Variants in BCL6B observed in about 807,000 individuals in gnomAD.
BCL6B encodes the protein BCL6B transcription repressor.
Under a neutral mutation model 44.6 loss-of-function variants are expected in BCL6B, and 28 were observed. The observed-to-expected ratio is 0.63, with a 90% CI of 0.47 to 0.86. The LOEUF (loss-of-function observed/expected upper bound fraction) is 0.86, where lower values mean the gene tolerates loss of function less well. Ranked by LOEUF, BCL6B falls within the 40% of genes least tolerant of loss-of-function variation. BCL6B has a pLI of 0.00. For missense variants in BCL6B, 626 were observed against 652.3 expected, an observed-to-expected ratio of 0.96 and a Z score of 0.44; for synonymous variants, 268 against 263.6, an observed-to-expected ratio of 1.02 and a Z score of -0.16.
At position 7,023,712 on chromosome 17, in the gene BCL6B, T is replaced by C. The variant is rs1362128898; in HGVS notation, c.41T>C (p.Val14Ala). 1.2e-6 allele frequency: 2 copies of C among 1,612,990 alleles called. No individual in the cohort carries two copies. Among genetic ancestry groups the C allele is most frequent in the Non-Finnish European group, 1.7e-6 (2 of 1,180,022 alleles). Reference sequence around the variant, plus strand: ...GCCCCGGAGGGAGCGCTGGGCTACGTCCGCGAGTTCACTCGCCACTCCTCC... The same window carrying C: ...GCCCCGGAGGGAGCGCTGGGCTACGCCCGCGAGTTCACTCGCCACTCCTCC... ...PAAPEGALGY[V>A]REFTRHSSDV... The change falls in exon 2 of 9, where the codon GTC becomes GCC. Residue 14 changes from valine (V) to alanine (A), a missense_variant. Transcript: ENST00000293805.
In BCL6B at chr17:7,025,098, G is replaced by C; in HGVS notation, c.787G>C (p.Val263Leu). 1 of 1,613,860 alleles carries C rather than the reference G, an allele frequency of 6.2e-7. No homozygotes were observed. Among genetic ancestry groups the C allele is most frequent in the Non-Finnish European group, 8.5e-7 (1 of 1,179,982 alleles). ...TAGGCTCTCTCCAACTGCTGCCACT[G>C]TGCAGTTCAAATGTGGGGCTCCAGC... Reference protein sequence around the residue: ...QSRLSPTAATVQFKCGAPAST... With the variant: ...QSRLSPTAATLQFKCGAPAST... Residue 263 changes from valine to leucine, a missense_variant, in exon 5 of 9, where the codon GTG becomes CTG. Val to Leu is a conservative substitution (Grantham distance 32, BLOSUM62 1). Transcript: ENST00000293805.
chr17:7,026,034 G>A (rs1254393351), intron 5 of BCL6B, among the ~76,000 whole-genome samples: 5 of 152,060 alleles, frequency 3.3e-5, no homozygotes. Flanking sequence ...CGATTCTCCT[G>A]CCTCAGCTTC....
chr17:7,025,100 G>A lies in BCL6B; in HGVS notation c.789G>A (p.Val263=), dbSNP rs1910246249. ...QSRLSPTAAT[V]QFKCGAPAST... is the part of the protein sequence containing the mutation. ...GGCTCTCTCCAACTGCTGCCACTGTGCAGTTCAAATGTGGGGCTCCAGCCA... is the reference window on the plus strand; with the variant it reads ...GGCTCTCTCCAACTGCTGCCACTGTACAGTTCAAATGTGGGGCTCCAGCCA... The change falls in exon 5 of 9, where the codon GTG becomes GTA. Residue 263 remains valine, a synonymous_variant. Coordinates refer to ENST00000293805, the MANE Select transcript of BCL6B (RefSeq NM_181844.4). The A allele has an allele frequency of 6.2e-7, 1 of 1,613,936 alleles. No individual in the cohort carries two copies. Among genetic ancestry groups the A allele is most frequent in the African/African-American group, 1.3e-5 (1 of 74,892 alleles).
In BCL6B at chr17:7,024,270, G is replaced by T. The variant is rs373452318; in HGVS notation, c.367G>T (p.Val123Leu). ...CGCCACCTATTTGCAGATGGAGCAC[G>T]TGGTCCAGGCATGCCACCGCTTCAT... ...AAATYLQMEH[V>L]VQACHRFIQA... The change falls in exon 3 of 9, where the codon GTG becomes TTG. Residue 123 changes from valine to leucine, a missense_variant. Coordinates refer to ENST00000293805, the MANE Select transcript of BCL6B (RefSeq NM_181844.4). This position sits in a 1 kb window ranked among gnomAD's most constrained non-coding sequence, Gnocchi z 6.6. The T allele has an allele frequency of 1.2e-5, 19 of 1,613,672 alleles. No homozygotes were observed. The highest frequency in any genetic ancestry group is 4.0e-5 in the African/African-American group (3 of 75,040).
rs1054306478 is a variant in BCL6B, at chr17:7,023,701, G to T, written c.30G>T (p.Ala10=). ...GTTCCCCCGCCGCCCCGGAGGGAGC[G>T]CTGGGCTACGTCCGCGAGTTCACTC... MGSPAAPEG[A]LGYVREFTRH... Residue 10 remains alanine, a synonymous_variant, in exon 2 of 9, where the codon GCG becomes GCT. Transcript: ENST00000293805. The T allele has an allele frequency of 7.4e-6, 12 of 1,612,870 alleles. No homozygotes were observed. The highest frequency in any genetic ancestry group is 2.7e-5 in the African/African-American group (2 of 74,932).
chr17:7,027,216 A>G, intron 8 of BCL6B, 129 bp downstream of exon 8: 1 of 1,300,866 alleles, frequency 7.7e-7, no homozygotes, highest in Non-Finnish European at 1.0e-6. Context: ...GAAGAGTCCA[A>G]GCAAATAAGG....
Position 7,024,701 on chromosome 17 carries a change from C to CAGT in BCL6B, c.704_705insTAG (p.Ser244dup), listed in dbSNP as rs72254884. 4 of 1,195,690 alleles carry CAGT rather than the reference C, an allele frequency of 3.3e-6. No homozygotes were observed. Among genetic ancestry groups the CAGT allele is most frequent in the African/African-American group, 7.4e-5 (2 of 27,200 alleles). 74.1% of individuals were successfully genotyped at this position (1,195,690 alleles called of 1,614,324 possible). A position where few individuals can be genotyped will look rare whatever the true frequency, so the allele number is the denominator to read the frequency against. On this transcript the variant is annotated inframe_insertion, in exon 4 of 9. Coordinates refer to ENST00000293805, the MANE Select transcript of BCL6B (RefSeq NM_181844.4). The surrounding 1 kb of genome is among the most constrained non-coding windows in gnomAD (Gnocchi z 6.6). ...GGCTCCCCAGTGGAGACGAGGCCTC[C>CAGT]AGCAGCAGCAGCAGCAGCAGCAGCA...
At position 7,027,572 on chromosome 17, in the gene BCL6B, G is replaced by T; in HGVS notation, c.1393G>T (p.Ala465Ser). The change falls in exon 9 of 9, where the codon GCT becomes TCT. Residue 465 changes from alanine to serine, a missense_variant. Physicochemically the swap from Ala to Ser is moderately conservative, Grantham distance 99 (BLOSUM62 1). Transcript: ENST00000293805. Reference protein sequence around the residue: ...LRLHLRQKHGAATNTKVHYHI... With the variant: ...LRLHLRQKHGSATNTKVHYHI... ...GCTGCATCTGCGCCAGAAACACGGA[G>T]CTGCTACCAACACCAAAGTGCACTA... 1.9e-6 allele frequency: 3 copies of T among 1,613,766 alleles called. No homozygotes were observed. The highest frequency in any genetic ancestry group is 2.5e-6 in the Non-Finnish European group (3 of 1,180,012).
intron 8 of BCL6B, 121 bp from the exon 9 acceptor site, chr17:7,027,382 A>G (rs1427731968): frequency 4.2e-6 from 5 of 1,194,898 alleles, no homozygotes; most frequent in Middle Eastern, 4.3e-4. Flanking sequence ...AGGATGTGAG[A>G]GTCAAAGAGC....
Position 7,028,912 on chromosome 17 carries a change from T to A in BCL6B, c.*1293T>A, listed in dbSNP as rs1404502114. 1.0e-6 allele frequency: 1 copy of A among 985,348 alleles called. No homozygotes were observed. The highest frequency in any genetic ancestry group is 1.2e-6 in the Non-Finnish European group (1 of 829,936). 61.0% of individuals were successfully genotyped at this position (985,348 alleles called of 1,614,324 possible). A position where few individuals can be genotyped will look rare whatever the true frequency, so the allele number is the denominator to read the frequency against. On this transcript the variant is annotated 3_prime_UTR_variant, in exon 9 of 9. Coordinates refer to ENST00000293805, the MANE Select transcript of BCL6B (RefSeq NM_181844.4). ...GGACATCTTCTGGCAAGTGTCCAGATGCCAGAACCTTCTTTTCCTCTAGAA... is the reference window on the plus strand; with the variant it reads ...GGACATCTTCTGGCAAGTGTCCAGAAGCCAGAACCTTCTTTTCCTCTAGAA...
chr17:7,023,455 G>A, intron 1 of BCL6B: 1 of 572,532 alleles, frequency 1.7e-6, no homozygotes, highest in Non-Finnish European at 3.0e-6. Flanking sequence ...CTGGCTCCAA[G>A]CGCTGTGGGA....
rs1226911947 is a variant in BCL6B, at chr17:7,024,808, C to T, written c.764+45C>T. The stretch of plus-strand genomic sequence containing the variant: ...AAGAATTTGTCAGAGCTGGCCTCAG[C>T]TAGAAGACAGAGTCATTGGGCCTTG... On this transcript the variant is annotated intron_variant, in intron 4 of 8. Transcript: ENST00000293805. This position sits in a 1 kb window ranked among gnomAD's most constrained non-coding sequence, Gnocchi z 6.6. 6 of 1,548,288 alleles carry T rather than the reference C, an allele frequency of 3.9e-6. No individual in the cohort carries two copies. In the African/African-American group the frequency reaches 6.9e-5, roughly 18 times the overall value.
rs1173828917 is a variant in BCL6B at position 7,028,677 on chromosome 17, T to G, written c.*1058T>G. 2 of 985,308 alleles carry G rather than the reference T, an allele frequency of 2.0e-6. No homozygotes were observed. The allele number at this position is 985,308 out of a possible 1,614,324, so 61.0% of individuals were successfully genotyped here. On this transcript the variant is annotated 3_prime_UTR_variant, in exon 9 of 9. Transcript: ENST00000293805. ...AGTTGATCGCTCCATGGGGGAGAGA[T>G]CAGACATTCCTTATCAGAGATGATG...
chr17:7,023,534 T>A, intron 1 of BCL6B, 126 bp from the exon 2 acceptor site: 1 of 879,498 alleles, frequency 1.1e-6, no homozygotes, highest in African/African-American at 1.7e-5. Flanking sequence ...GGAGGGAGGC[T>A]GCGTGTGCCG....
chr17:7,025,276 G>C, intron 5 of BCL6B, 76 bp downstream of exon 5: 3 of 1,569,834 alleles, frequency 1.9e-6, no homozygotes, highest in Admixed American at 1.8e-5. Flanking sequence ...TCCCAGAAAG[G>C]CCTATTCCAA....
At position 7,023,457 on chromosome 17, in the gene BCL6B, G is replaced by A. The variant is rs758406880; in HGVS notation, c.-12-203G>A. ...GTGGAACCTTCAACTGGCTCCAAGC[G>A]CTGTGGGATCTGGAAGAGGCAAGGG... On this transcript the variant is annotated intron_variant, in intron 1 of 8. Transcript: ENST00000293805. The A allele has an allele frequency of 2.8e-5, 16 of 572,196 alleles. No homozygotes were observed. In the East Asian group the frequency reaches 4.2e-4, roughly 15 times the overall value. 35.4% of individuals were successfully genotyped at this position (572,196 alleles called of 1,614,324 possible). A position where few individuals can be genotyped will look rare whatever the true frequency, so the allele number is the denominator to read the frequency against.
chr17:7,027,284 C>A (rs572482756), intron 8 of BCL6B, among the ~76,000 whole-genome samples, 197 bp downstream of exon 8: 140 of 152,292 alleles, frequency 9.2e-4, no homozygotes, highest in Non-Finnish European at 1.1e-3. Context: ...GGGCTGAGCA[C>A]TGTTTTCTCA....
chr17:7,023,876 G>T, intron 2 of BCL6B, 26 bp downstream of exon 2: 1 of 1,604,872 alleles, frequency 6.2e-7, no homozygotes, highest in South Asian at 1.1e-5. Context: ...CCTGGGGCGG[G>T]GCCAAATGGG....
At chr17:7,027,479 C>A (rs756862290) in intron 8 of BCL6B, 24 bp from the exon 9 acceptor site, 2 of 1,613,110 alleles carry the variant, frequency 1.2e-6, no homozygotes, top group Non-Finnish European at 1.7e-6. Flanking sequence ...TGGGGCAGGG[C>A]CTGACTTGGC....
Sources: gnomAD v4.1 joint callset for allele counts (sites outside exome capture counted in the v4.1 genomes callset) on GRCh38, gnomAD v4.1.1 for gene constraint, Gnocchi (gnomAD v3.1) non-coding constraint, MANE v1.5 for transcripts, NCBI Gene and HGNC (gene_info 2026-07-23, HGNC 2026-07-21) for gene names.